MDGA2: variants seen among roughly 807,000 people sequenced by gnomAD.
The protein encoded by MDGA2 is MAM domain-containing glycosylphosphatidylinositol anchor protein 2.
MDGA2 carries 40 observed loss-of-function variants against 117.8 expected under a neutral mutation model. The observed-to-expected ratio is 0.34, with a 90% CI of 0.26 to 0.44. MDGA2 has a LOEUF of 0.44. Ranked by LOEUF, MDGA2 falls within the 20% of genes least tolerant of loss-of-function variation. The pLI is 1.00. For missense variants in MDGA2, 1,123 were observed against 1,250.6 expected, an observed-to-expected ratio of 0.90 and a Z score of 1.54; for synonymous variants, 452 against 439.0, an observed-to-expected ratio of 1.03 and a Z score of -0.37.
intron 8 of MDGA2, among the ~76,000 whole-genome samples, chr14:46,965,740 T>A (rs909072298): frequency 1.3e-5 from 2 of 152,100 alleles, no homozygotes; most frequent in African/African-American, 4.8e-5. Flanking sequence ...AGTGTGAAAA[T>A]TTCGAATATG....
At chr14:47,080,123 C>A (rs980966606) in intron 6 of MDGA2, among the ~76,000 whole-genome samples, 6 of 152,248 alleles carry the variant, frequency 3.9e-5, no homozygotes, top group Non-Finnish European at 7.4e-5. Flanking sequence ...TTGTCTAATT[C>A]AATTTAACAG....
intron 1 of MDGA2, among the ~76,000 whole-genome samples, chr14:47,583,347 G>C (rs1475227895): frequency 1.3e-5 from 2 of 151,786 alleles, no homozygotes; most frequent in African/African-American, 4.8e-5. Flanking sequence ...TGAGAACAGA[G>C]AACTTTGCAA....
At chr14:47,331,578 A>T (rs938310532) in intron 1 of MDGA2, among the ~76,000 whole-genome samples, 1 of 151,962 alleles carries the variant, frequency 6.6e-6, no homozygotes, top group Non-Finnish European at 1.5e-5. Flanking sequence ...TCATGCAGAC[A>T]TATTTCCTCT....
At chr14:46,983,994 A>G (rs1238563834) in intron 8 of MDGA2, among the ~76,000 whole-genome samples, 6 of 151,994 alleles carry the variant, frequency 3.9e-5, no homozygotes, top group African/African-American at 1.4e-4. Flanking sequence ...ACAAGTGCAA[A>G]TATAGTGCTG....
At chr14:47,643,001 T>C (rs1410433141) in intron 1 of MDGA2, among the ~76,000 whole-genome samples, 3 of 152,054 alleles carry the variant, frequency 2.0e-5, no homozygotes. Flanking sequence ...GTATTTTGTA[T>C]GTATGTATGT....
Position 47,651,367 on chromosome 14 carries a change from C to T in MDGA2, c.280+23150G>A, listed in dbSNP as rs947071678. Among the ~76,000 whole-genome samples, 4 of 151,910 alleles carry T rather than the reference C, an allele frequency of 2.6e-5. No homozygotes were observed. In the East Asian group the frequency reaches 5.8e-4, roughly 22 times the overall value. On this transcript the variant is annotated intron_variant, in intron 1 of 16. Transcript: ENST00000399232. ...AAGCACACACAAAGACTCTGAGGCA[C>T]GAAAGAACTTAGCGCTTCCGTGGGA...
chr14:46,913,925 T>G (rs867633587), intron 10 of MDGA2, among the ~76,000 whole-genome samples: 3 of 152,184 alleles, frequency 2.0e-5, no homozygotes, highest in African/African-American at 7.2e-5. Context: ...ATAAGTATGA[T>G]AATTCTAAAT....
At chr14:47,446,781 A>T (rs35969530) in intron 1 of MDGA2, among the ~76,000 whole-genome samples, 38,121 of 152,004 alleles carry the variant, frequency 0.25, 5,082 homozygotes, top group Middle Eastern at 0.41. Flanking sequence ...AGAAAATTTT[A>T]AAAAAAGTAA....
intron 1 of MDGA2, among the ~76,000 whole-genome samples, chr14:47,574,170 C>T (rs1487738775): frequency 6.6e-6 from 1 of 152,064 alleles, no homozygotes; most frequent in Non-Finnish European, 1.5e-5. Context: ...GCAGATTAAA[C>T]CCAAGTAGGT....
At chr14:46,878,845 C>A (rs970040930) in intron 11 of MDGA2, among the ~76,000 whole-genome samples, 3 of 151,848 alleles carry the variant, frequency 2.0e-5, no homozygotes, top group African/African-American at 7.3e-5. Context: ...TAACTTAGTT[C>A]TAAGATATGT....
intron 1 of MDGA2, among the ~76,000 whole-genome samples, chr14:47,473,738 T>C (rs1223729180): frequency 6.6e-6 from 1 of 152,010 alleles, no homozygotes; most frequent in Non-Finnish European, 1.5e-5. Flanking sequence ...ATTATCTCAA[T>C]AGACACAGAA....
chr14:47,364,527 G>C (rs1037879961), intron 1 of MDGA2, among the ~76,000 whole-genome samples: 2 of 152,156 alleles, frequency 1.3e-5, no homozygotes, highest in African/African-American at 4.8e-5. Flanking sequence ...GCCTCCCAAC[G>C]TGCTGGGATT....
intron 6 of MDGA2, among the ~76,000 whole-genome samples, chr14:47,090,224 TATA>T (rs1219004322): frequency 2.0e-5 from 3 of 152,244 alleles, no homozygotes; most frequent in Middle Eastern, 3.4e-3. Flanking sequence ...GGAAGAGAGT[TATA>T]ATGTTCCTGG....
intron 1 of MDGA2, among the ~76,000 whole-genome samples, chr14:47,616,148 T>G (rs1896945395): frequency 6.6e-6 from 1 of 152,180 alleles, no homozygotes; most frequent in Non-Finnish European, 1.5e-5. Context: ...ACTCTGAATT[T>G]TGAAGCAGAC....
chr14:47,653,765 G>A (rs1449044219), intron 1 of MDGA2, among the ~76,000 whole-genome samples: 10 of 152,148 alleles, frequency 6.6e-5, no homozygotes, highest in African/African-American at 2.4e-4. Flanking sequence ...AAAAAGAGGA[G>A]AGTCAGAGGG....
intron 6 of MDGA2, among the ~76,000 whole-genome samples, chr14:47,079,410 G>A (rs1219904538): frequency 6.6e-6 from 1 of 152,054 alleles, no homozygotes; most frequent in Non-Finnish European, 1.5e-5. Flanking sequence ...AATTCAGCAT[G>A]GAATTATATT....
intron 1 of MDGA2, among the ~76,000 whole-genome samples, chr14:47,467,028 T>G (rs1273867407): frequency 6.6e-6 from 1 of 152,006 alleles, no homozygotes; most frequent in African/African-American, 2.4e-5. Flanking sequence ...TGAACTGAAG[T>G]AATTGTAACT....
intron 7 of MDGA2, among the ~76,000 whole-genome samples, chr14:47,051,989 G>A (rs1889475237): frequency 6.6e-6 from 1 of 151,776 alleles, no homozygotes; most frequent in African/African-American, 2.4e-5. Context: ...ATAATATGCT[G>A]TAATGTACAT....
intron 3 of MDGA2, among the ~76,000 whole-genome samples, chr14:47,193,119 C>T (rs1885172701): frequency 6.6e-6 from 1 of 152,142 alleles, no homozygotes; most frequent in African/African-American, 2.4e-5. Flanking sequence ...TATTATCTTT[C>T]TTGGAAAACT....
Sources: gnomAD v4.1 joint callset for allele counts (sites outside exome capture counted in the v4.1 genomes callset) on GRCh38, gnomAD v4.1.1 for gene constraint, MANE v1.5 for transcripts, NCBI Gene and HGNC (gene_info 2026-07-23, HGNC 2026-07-21) for gene names.